The following TRPV4 variants were observed in gnomAD, a reference collection of about 807,000 sequenced individuals.
TRPV4 encodes transient receptor potential cation channel subfamily V member 4, also known as OSM9-like transient receptor potential channel 4.
Under a neutral mutation model 84.1 loss-of-function variants are expected in TRPV4, and 58 were observed. The observed-to-expected ratio is 0.69, with a 90% CI of 0.56 to 0.86. The LOEUF (loss-of-function observed/expected upper bound fraction) is 0.86. Among genes scored for constraint, TRPV4 ranks in the 40% least tolerant of loss-of-function variants. The pLI, the probability that TRPV4 is intolerant of heterozygous loss-of-function variation, is 0.00. For missense variants in TRPV4, 879 were observed against 1,181.1 expected (o/e 0.74, Z 3.75); for synonymous variants, 489 against 500.9 (o/e 0.98, Z 0.32).
rs768499372 is a variant in TRPV4 at position 109,814,352 on chromosome 12, T to C, written c.386+59A>G. On this transcript the variant is annotated intron_variant, in intron 2 of 15. Coordinates refer to ENST00000261740, the MANE Select transcript of TRPV4 (RefSeq NM_021625.5). The surrounding 1 kb of genome is among the most constrained non-coding windows in gnomAD (Gnocchi z 5.4). Reference sequence around the variant, plus strand: ...GGATAATAGATAGAGGGGTGGATGATGAATGGGTGAATGGATACAGAGGAG... The same window carrying C: ...GGATAATAGATAGAGGGGTGGATGACGAATGGGTGAATGGATACAGAGGAG... 22 of 1,580,416 alleles carry C rather than the reference T, an allele frequency of 1.4e-5. No homozygotes were observed. Among genetic ancestry groups the C allele is most frequent in the African/African-American group, 9.4e-5 (7 of 74,244 alleles).
At chr12:109,801,669 A>C (rs767154114) in intron 4 of TRPV4, among the ~76,000 whole-genome samples, 2 of 152,120 alleles carry the variant, frequency 1.3e-5, no homozygotes. Flanking sequence ...GTCTCTACAG[A>C]AATTTTAAAA....
intron 7 of TRPV4, 68 bp from the exon 8 acceptor site, chr12:109,794,555 G>A (rs1229515911): frequency 2.8e-5 from 43 of 1,552,590 alleles, no homozygotes; most frequent in Middle Eastern, 3.5e-4. Context: ...AGGCTGCCTC[G>A]GGTGTGCCTT....
In TRPV4 at chr12:109,798,574, C is replaced by T. The variant is rs148753109; in HGVS notation, c.1152+40G>A. On this transcript the variant is annotated intron_variant, in intron 6 of 15. Transcript: ENST00000261740. This position sits in a 1 kb window ranked among gnomAD's most constrained non-coding sequence, Gnocchi z 5.0. Reference sequence around the variant, plus strand: ...CCTCGTGTGTGTGTGCAGAGGGGTACGAGTAGGTGGATCAGCTGTGCCCCC... The same window carrying T: ...CCTCGTGTGTGTGTGCAGAGGGGTATGAGTAGGTGGATCAGCTGTGCCCCC... 2,028 of 1,604,390 alleles carry T rather than the reference C, an allele frequency of 1.3e-3. 11 individuals are homozygous for T. The highest frequency in any genetic ancestry group is 7.9e-3 in the African/African-American group (592 of 74,934).
intron 1 of TRPV4, among the ~76,000 whole-genome samples, chr12:109,828,500 G>T (rs1892327769): frequency 6.6e-6 from 1 of 152,228 alleles, no homozygotes; most frequent in Non-Finnish European, 1.5e-5. Flanking sequence ...AGGAGCCCAG[G>T]CCAGAACAAG....
intron 3 of TRPV4, among the ~76,000 whole-genome samples, chr12:109,805,490 G>T (rs766834734): frequency 6.6e-5 from 10 of 152,194 alleles, no homozygotes; most frequent in Non-Finnish European, 8.8e-5. Flanking sequence ...TGCCCAGGGT[G>T]GGGTGCTGTA....
chr12:109,798,098 G>C lies in TRPV4; in HGVS notation c.1152+516C>G, dbSNP rs985898157. On this transcript the variant is annotated intron_variant, in intron 6 of 15. Transcript: ENST00000261740. The surrounding 1 kb of genome is among the most constrained non-coding windows in gnomAD (Gnocchi z 5.0). ...CTGGAGATATTTTTGGTGGTCACAAGTGTAAGGGGAGGTGTTCCTGGCATC... is the reference window on the plus strand; with the variant it reads ...CTGGAGATATTTTTGGTGGTCACAACTGTAAGGGGAGGTGTTCCTGGCATC... Among the ~76,000 whole-genome samples the C allele has an allele frequency of 6.6e-6, 1 of 152,192 alleles. No homozygotes were observed. Among genetic ancestry groups the C allele is most frequent in the Admixed American group, 6.5e-5 (1 of 15,276 alleles).
At chr12:109,795,927 T>A (rs1890366195) in intron 7 of TRPV4, among the ~76,000 whole-genome samples, 1 of 97,344 alleles carries the variant, frequency 1.0e-5, no homozygotes. Flanking sequence ...TTCATTTTTA[T>A]TATTTTTTTT....
At chr12:109,805,381 C>T (rs2136579226) in intron 3 of TRPV4, among the ~76,000 whole-genome samples, 1 of 152,256 alleles carries the variant, frequency 6.6e-6, no homozygotes, top group Non-Finnish European at 1.5e-5. Flanking sequence ...AGGGAGGGGA[C>T]GCCTGGGTCC....
At chr12:109,797,246 G>A (rs1456096097) in intron 6 of TRPV4, among the ~76,000 whole-genome samples, 1 of 152,124 alleles carries the variant, frequency 6.6e-6, no homozygotes, top group Non-Finnish European at 1.5e-5. Context: ...TCTCCTCCTA[G>A]GTTCAAGCAA....
chr12:109,794,949 C>T (rs538866316), intron 7 of TRPV4, among the ~76,000 whole-genome samples: 2 of 152,242 alleles, frequency 1.3e-5, no homozygotes, highest in Non-Finnish European at 2.9e-5. Flanking sequence ...ACCTGGGAGG[C>T]GGAGATTGCA....
In TRPV4 at chr12:109,793,687, G is replaced by A; in HGVS notation, c.1585-87C>T. ...AGGAGACAGAGAAAGGGATAGAAGA[G>A]AGGGAGGCAGAGGCTGGTACAGAGA... On this transcript the variant is annotated intron_variant, in intron 9 of 15. Transcript: ENST00000261740. This position sits in a 1 kb window ranked among gnomAD's most constrained non-coding sequence, Gnocchi z 4.0. The A allele has an allele frequency of 9.0e-7, 1 of 1,113,368 alleles. No homozygotes were observed. Among genetic ancestry groups the A allele is most frequent in the Admixed American group, 1.8e-5 (1 of 56,108 alleles). The allele number at this position is 1,113,368 out of a possible 1,614,324, so 69.0% of individuals were successfully genotyped here.
rs778144788 is a variant in TRPV4, at chr12:109,796,750, C to A, written c.1153-46G>T. 3 of 1,575,770 alleles carry A rather than the reference C, an allele frequency of 1.9e-6. No individual in the cohort carries two copies. Among genetic ancestry groups the A allele is most frequent in the Admixed American group, 1.7e-5 (1 of 58,082 alleles). On this transcript the variant is annotated intron_variant, in intron 6 of 15. Transcript: ENST00000261740. This position sits in a 1 kb window ranked among gnomAD's most constrained non-coding sequence, Gnocchi z 4.2. ...GTCAGGGGGCTCACACTGGAAAGAC[C>A]CCCAGGGCTGGGCCCAGCTCAGCAC...
intron 1 of TRPV4, among the ~76,000 whole-genome samples, chr12:109,827,601 A>T (rs1318807389): frequency 6.6e-6 from 1 of 151,918 alleles, no homozygotes; most frequent in Non-Finnish European, 1.5e-5. Context: ...CACATTACAC[A>T]CATATACACA....
intron 3 of TRPV4, 53 bp downstream of exon 3, chr12:109,808,242 GC>G: frequency 6.2e-7 from 1 of 1,605,910 alleles, no homozygotes; most frequent in South Asian, 1.1e-5. Context: ...CCAATGCCAG[GC>G]TTCCCCCACA....
At chr12:109,825,945 T>A (rs756191828) in intron 1 of TRPV4, among the ~76,000 whole-genome samples, 4 of 152,202 alleles carry the variant, frequency 2.6e-5, no homozygotes, top group Non-Finnish European at 5.9e-5. Flanking sequence ...CTGCTTGGAA[T>A]TATGACTGAG....
At position 109,814,826 on chromosome 12, in the gene TRPV4, G is replaced by A. The variant is rs1382923421; in HGVS notation, c.-30C>T. On this transcript the variant is annotated splice_region_variant and 5_prime_UTR_variant, in exon 2 of 16. Transcript: ENST00000261740. The surrounding 1 kb of genome is among the most constrained non-coding windows in gnomAD (Gnocchi z 5.4). ...GCCCCAGGCCCGTCTGCACTGCTCAGCCTGCAAGGGAATGAAAGGGGAGTC... is the reference window on the plus strand; with the variant it reads ...GCCCCAGGCCCGTCTGCACTGCTCAACCTGCAAGGGAATGAAAGGGGAGTC... 6.5e-7 allele frequency: 1 copy of A among 1,535,286 alleles called. No individual in the cohort carries two copies. The highest frequency in any genetic ancestry group is 1.2e-5 in the South Asian group (1 of 83,990).
chr12:109,811,224 C>T (rs550121682), intron 2 of TRPV4, among the ~76,000 whole-genome samples: 21 of 152,320 alleles, frequency 1.4e-4, no homozygotes, highest in Admixed American at 4.6e-4. Context: ...TCACATGGCA[C>T]ATCCATGTGC....
At position 109,814,577 on chromosome 12, in the gene TRPV4, C is replaced by T. The variant is rs145726729; in HGVS notation, c.220G>A (p.Ala74Thr). 27 of 1,613,966 alleles carry T rather than the reference C, an allele frequency of 1.7e-5. No homozygotes were observed. Among genetic ancestry groups the T allele is most frequent in the South Asian group, 2.2e-5 (2 of 91,080 alleles). ...RPNLRMKFQG[A>T]FRKGVPNPID... ...GGGTTGGGCACCCCCTTGCGGAAGG[C>T]GCCCTGGAACTTCATGCGCAGATTT... Residue 74 changes from alanine to threonine, a missense_variant, in exon 2 of 16, where the codon GCC becomes ACC. Coordinates refer to ENST00000261740, the MANE Select transcript of TRPV4 (RefSeq NM_021625.5). This position sits in a 1 kb window ranked among gnomAD's most constrained non-coding sequence, Gnocchi z 5.4.
rs1890183912 is a variant in TRPV4, at chr12:109,793,653, G to C, written c.1585-53C>G. 1 of 1,411,524 alleles carries C rather than the reference G, an allele frequency of 7.1e-7. No homozygotes were observed. The highest frequency in any genetic ancestry group is 1.0e-6 in the Non-Finnish European group (1 of 996,028). The allele number at this position is 1,411,524 out of a possible 1,614,324, so 87.4% of individuals were successfully genotyped here. Reference sequence around the variant, plus strand: ...GGGGTGGGGCCAGCAGGAGAGGAGAGGAGGAGAGAGGAGACAGAGAAAGGG... The same window carrying C: ...GGGGTGGGGCCAGCAGGAGAGGAGACGAGGAGAGAGGAGACAGAGAAAGGG... On this transcript the variant is annotated intron_variant, in intron 9 of 15. Transcript: ENST00000261740. This position sits in a 1 kb window ranked among gnomAD's most constrained non-coding sequence, Gnocchi z 4.0.
Sources: gnomAD v4.1 joint callset for allele counts (sites outside exome capture counted in the v4.1 genomes callset) on GRCh38, gnomAD v4.1.1 for gene constraint, Gnocchi (gnomAD v3.1) non-coding constraint, MANE v1.5 for transcripts, NCBI Gene and HGNC (gene_info 2026-07-23, HGNC 2026-07-21) for gene names.